The following AGTPBP1 variants were observed in gnomAD, a reference collection of about 807,000 sequenced individuals.
AGTPBP1 encodes the protein cytosolic carboxypeptidase 1.
AGTPBP1 carries 70 observed loss-of-function variants against 143.9 expected under a neutral mutation model. That is an observed-to-expected ratio of 0.49 (90% CI 0.40 to 0.59). The LOEUF (loss-of-function observed/expected upper bound fraction) is 0.59, where lower values mean the gene tolerates loss of function less well. AGTPBP1 is among the 20% of genes least tolerant of loss of function. The pLI is 0.00. For synonymous variants in AGTPBP1, 463 were observed against 500.2 expected, an observed-to-expected ratio of 0.93 and a Z score of 0.99; for missense variants, 1,229 against 1,464.5, an observed-to-expected ratio of 0.84 and a Z score of 2.62.
chr9:85,668,144 A>G (rs1834242899), intron 8 of AGTPBP1, among the ~76,000 whole-genome samples: 2 of 152,168 alleles, frequency 1.3e-5, no homozygotes, highest in East Asian at 1.9e-4. Flanking sequence ...CAGATTTTTG[A>G]TAGTACAACT....
chr9:85,794,601 T>G, the AGTPBP1 span, among the ~76,000 whole-genome samples: 1 of 152,206 alleles, frequency 6.6e-6, no homozygotes, highest in Non-Finnish European at 1.5e-5. Context: ...ACTTTGTTCT[T>G]CTTTTCCAAC....
chr9:85,661,033 G>T, intron 8 of AGTPBP1, 60 bp from the exon 9 acceptor site: 3 of 1,356,492 alleles, frequency 2.2e-6, no homozygotes, highest in Non-Finnish European at 2.0e-6. Flanking sequence ...ATCTACAATA[G>T]TAAATTCATA....
At chr9:85,775,751 T>C in the AGTPBP1 span, among the ~76,000 whole-genome samples, 1 of 152,006 alleles carries the variant, frequency 6.6e-6, no homozygotes, top group Admixed American at 6.6e-5. Context: ...GCATTCAGCA[T>C]GGGAGAAAGA....
intron 21 of AGTPBP1, 147 bp from the exon 22 acceptor site, chr9:85,587,107 C>T: frequency 1.1e-6 from 1 of 892,346 alleles, no homozygotes; most frequent in African/African-American, 1.7e-5. Flanking sequence ...GTAAGCTCAA[C>T]CAAATGCATA....
chr9:85,624,630 CAG>C (rs1021824505), intron 14 of AGTPBP1, among the ~76,000 whole-genome samples: 2 of 152,070 alleles, frequency 1.3e-5, no homozygotes, highest in African/African-American at 4.8e-5. Flanking sequence ...ATAAGAAATC[CAG>C]AGTTTTGTTT....
chr9:85,714,870 T>C (rs1837601238), intron 1 of AGTPBP1, among the ~76,000 whole-genome samples: 3 of 152,158 alleles, frequency 2.0e-5, no homozygotes, highest in South Asian at 2.1e-4. Context: ...TGAATATATA[T>C]GTGTGTATAT....
At chr9:85,607,184 T>C (rs1830039527) in intron 17 of AGTPBP1, among the ~76,000 whole-genome samples, 1 of 152,014 alleles carries the variant, frequency 6.6e-6, no homozygotes, top group Admixed American at 6.6e-5. Context: ...TGTGCAAATA[T>C]TATGTATCAA....
At chr9:85,628,803 T>C (rs964029107) in intron 14 of AGTPBP1, among the ~76,000 whole-genome samples, 1 of 152,164 alleles carries the variant, frequency 6.6e-6, no homozygotes, top group African/African-American at 2.4e-5. Flanking sequence ...AACCTCTGCC[T>C]CCTGGGTTCA....
At chr9:85,603,251 T>G (rs1298321569) in intron 17 of AGTPBP1, among the ~76,000 whole-genome samples, 1 of 152,012 alleles carries the variant, frequency 6.6e-6, no homozygotes, top group Non-Finnish European at 1.5e-5. Context: ...CAGGAGAGAC[T>G]TCTTCTTTCA....
At chr9:85,586,303 G>T (rs1043551587) in intron 22 of AGTPBP1, among the ~76,000 whole-genome samples, 2 of 151,762 alleles carry the variant, frequency 1.3e-5, no homozygotes, top group African/African-American at 4.8e-5. Flanking sequence ...TAATTTAAGT[G>T]CATCATTTTA....
At chr9:85,736,743 A>G (rs535006405) in intron 1 of AGTPBP1, among the ~76,000 whole-genome samples, 10 of 152,350 alleles carry the variant, frequency 6.6e-5, no homozygotes, top group African/African-American at 2.4e-4. Flanking sequence ...TTTGTATAAT[A>G]CTAAAATTTA....
At chr9:85,726,499 A>C (rs1838503907) in intron 1 of AGTPBP1, among the ~76,000 whole-genome samples, 2 of 152,350 alleles carry the variant, frequency 1.3e-5, no homozygotes, top group South Asian at 4.1e-4. Flanking sequence ...GGGCCAAAGG[A>C]AAATTCCAGT....
At chr9:85,793,202 A>C in the AGTPBP1 span, among the ~76,000 whole-genome samples, 1 of 152,174 alleles carries the variant, frequency 6.6e-6, no homozygotes, top group Admixed American at 6.6e-5. Flanking sequence ...TTTTTTAGTA[A>C]CAGTTACGTT....
At chr9:85,630,103 A>G (rs1831559835) in intron 14 of AGTPBP1, among the ~76,000 whole-genome samples, 3 of 152,336 alleles carry the variant, frequency 2.0e-5, no homozygotes, top group East Asian at 3.9e-4. Context: ...GACATCTTTG[A>G]CTTTGGAGAG....
At chr9:85,700,487 C>G (rs1338402179) in intron 2 of AGTPBP1, among the ~76,000 whole-genome samples, 1 of 152,118 alleles carries the variant, frequency 6.6e-6, no homozygotes, top group Non-Finnish European at 1.5e-5. Flanking sequence ...GTCACACAGC[C>G]ACAGATTAAC....
At chr9:85,668,831 CAAT>C (rs1344405896) in intron 8 of AGTPBP1, among the ~76,000 whole-genome samples, 1 of 149,422 alleles carries the variant, frequency 6.7e-6, no homozygotes, top group African/African-American at 2.5e-5. Context: ...AAAAATTCCA[CAAT>C]AAAAAAAAAT....
At chr9:85,651,498 T>C (rs956439134) in intron 11 of AGTPBP1, among the ~76,000 whole-genome samples, 3 of 152,334 alleles carry the variant, frequency 2.0e-5, no homozygotes, top group Middle Eastern at 3.4e-3. Context: ...ACATGTTTCA[T>C]AATAATACTA....
At chr9:85,560,749 T>C (rs1410341535) in intron 25 of AGTPBP1, among the ~76,000 whole-genome samples, 1 of 151,814 alleles carries the variant, frequency 6.6e-6, no homozygotes, top group Non-Finnish European at 1.5e-5. Flanking sequence ...ATAGGTGAAT[T>C]AGAAGGTGGG....
At chr9:85,721,115 T>A (rs1265836929) in intron 1 of AGTPBP1, among the ~76,000 whole-genome samples, 1 of 152,224 alleles carries the variant, frequency 6.6e-6, no homozygotes, top group Non-Finnish European at 1.5e-5. Flanking sequence ...ATAAGTGCAA[T>A]GAGGTGCTGA....
Sources: gnomAD v4.1 joint callset for allele counts (sites outside exome capture counted in the v4.1 genomes callset) on GRCh38, gnomAD v4.1.1 for gene constraint, MANE v1.5 for transcripts, NCBI Gene and HGNC (gene_info 2026-07-23, HGNC 2026-07-21) for gene names.